KCNIP4: variants seen among roughly 807,000 people sequenced by gnomAD.
KCNIP4 encodes Kv channel-interacting protein 4.
Under a neutral mutation model 34.0 loss-of-function variants are expected in KCNIP4, and 12 were observed. That is an observed-to-expected ratio of 0.35 (90% CI 0.23 to 0.57). The LOEUF (loss-of-function observed/expected upper bound fraction) is 0.57. KCNIP4 is among the 20% of genes least tolerant of loss of function. The probability of loss-of-function intolerance (pLI) is 0.83; values close to 1 mark genes in which losing one functional copy is unlikely to be tolerated. For synonymous variants in KCNIP4, 124 were observed against 102.2 expected (o/e 1.21, Z -1.29); for missense variants, 238 against 311.7 (o/e 0.76, Z 1.78).
intron 1 of KCNIP4, among the ~76,000 whole-genome samples, chr4:21,364,916 G>C (rs1482350443): frequency 6.6e-6 from 1 of 152,092 alleles, no homozygotes; most frequent in Non-Finnish European, 1.5e-5. Flanking sequence ...AGTCAGAAAA[G>C]GACATTGCAA....
intron 1 of KCNIP4, among the ~76,000 whole-genome samples, chr4:21,308,713 T>A (rs1038496): frequency 0.013 from 850 of 65,182 alleles, 6 homozygotes; most frequent in Non-Finnish European, 0.02. Context: ...GCCGTGTGAG[T>A]GTGTGTGTGT....
intron 1 of KCNIP4, among the ~76,000 whole-genome samples, chr4:21,424,283 T>C (rs1479937737): frequency 6.6e-6 from 1 of 151,690 alleles, no homozygotes; most frequent in Non-Finnish European, 1.5e-5. Flanking sequence ...TAAAAACAAA[T>C]GAGGATTGGC....
intron 1 of KCNIP4, among the ~76,000 whole-genome samples, chr4:21,716,667 C>A (rs1287799844): frequency 6.6e-6 from 1 of 152,144 alleles, no homozygotes; most frequent in Non-Finnish European, 1.5e-5. Flanking sequence ...TTACCCCCAA[C>A]GAGTGAGTCA....
chr4:21,482,493 G>T (rs1283148308), intron 1 of KCNIP4, among the ~76,000 whole-genome samples: 2 of 152,136 alleles, frequency 1.3e-5, no homozygotes, highest in African/African-American at 4.8e-5. Flanking sequence ...AGGAGCTCTT[G>T]TAGGGCAGGC....
chr4:21,939,473 C>A (rs1207544386), intron 1 of KCNIP4, among the ~76,000 whole-genome samples: 1 of 152,106 alleles, frequency 6.6e-6, no homozygotes, highest in Non-Finnish European at 1.5e-5. Flanking sequence ...CACTCCATGT[C>A]CCTGGATATT....
At chr4:20,888,661 G>T (rs1054839566) in intron 1 of KCNIP4, among the ~76,000 whole-genome samples, 1 of 151,926 alleles carries the variant, frequency 6.6e-6, no homozygotes, top group Non-Finnish European at 1.5e-5. Context: ...AATATGTATC[G>T]CCACCTACAA....
chr4:21,498,204 A>C (rs78713816), intron 1 of KCNIP4, among the ~76,000 whole-genome samples: 3 of 152,280 alleles, frequency 2.0e-5, no homozygotes, highest in Non-Finnish European at 2.9e-5. Flanking sequence ...TAGAAAACTA[A>C]TACGAAAGAA....
At chr4:21,714,794 A>G (rs982971334) in intron 1 of KCNIP4, among the ~76,000 whole-genome samples, 50 of 3,016 alleles carry the variant, frequency 0.017, 11 homozygotes, top group African/African-American at 0.1. Context: ...TGATTATTTT[A>G]TTTTATTTTA....
intron 1 of KCNIP4, among the ~76,000 whole-genome samples, chr4:21,440,263 G>A (rs182529470): frequency 9.5e-4 from 144 of 152,292 alleles, no homozygotes; most frequent in African/African-American, 3.2e-3. Flanking sequence ...GTATATTGGT[G>A]AGTAGAACCT....
intron 1 of KCNIP4, among the ~76,000 whole-genome samples, chr4:21,286,361 A>G (rs1019407828): frequency 6.6e-6 from 1 of 152,194 alleles, no homozygotes; most frequent in South Asian, 2.1e-4. Context: ...AACATGGCCA[A>G]ACATGTTATA....
intron 1 of KCNIP4, among the ~76,000 whole-genome samples, chr4:21,903,331 C>A (rs1727811350): frequency 6.6e-6 from 1 of 151,998 alleles, no homozygotes; most frequent in Non-Finnish European, 1.5e-5. Flanking sequence ...TGATAAATAA[C>A]AAATAACTGA....
chr4:21,421,520 A>G (rs557486724), intron 1 of KCNIP4, among the ~76,000 whole-genome samples: 1 of 152,326 alleles, frequency 6.6e-6, no homozygotes, highest in African/African-American at 2.4e-5. Context: ...TAAGCCAAGC[A>G]CAGAAAGACA....
At chr4:21,731,188 AT>A (rs900739441) in intron 1 of KCNIP4, among the ~76,000 whole-genome samples, 5 of 151,940 alleles carry the variant, frequency 3.3e-5, no homozygotes, top group Non-Finnish European at 7.4e-5. Context: ...ACAGAGGTCC[AT>A]TATGGGTGAG....
intron 1 of KCNIP4, among the ~76,000 whole-genome samples, chr4:21,499,390 C>A (rs16871238): frequency 6.6e-6 from 1 of 150,720 alleles, no homozygotes; most frequent in Admixed American, 6.6e-5. Context: ...ATCGCTTCCA[C>A]GTTTTTTATT....
At chr4:21,741,589 C>T (rs1156862291) in intron 1 of KCNIP4, among the ~76,000 whole-genome samples, 1 of 152,130 alleles carries the variant, frequency 6.6e-6, no homozygotes, top group Non-Finnish European at 1.5e-5. Flanking sequence ...ATTCCAGAAA[C>T]TGGCTGAATC....
At chr4:20,890,886 T>C (rs1725847887) in intron 1 of KCNIP4, among the ~76,000 whole-genome samples, 1 of 152,218 alleles carries the variant, frequency 6.6e-6, no homozygotes, top group African/African-American at 2.4e-5. Flanking sequence ...TCCATTTTTC[T>C]GGTCATGCAG....
At chr4:21,175,088 T>C (rs748730236) in intron 1 of KCNIP4, among the ~76,000 whole-genome samples, 2 of 151,720 alleles carry the variant, frequency 1.3e-5, no homozygotes, top group African/African-American at 2.4e-5. Flanking sequence ...TTTACATAGG[T>C]TTCTTTTTGA....
intron 3 of KCNIP4, among the ~76,000 whole-genome samples, chr4:20,815,501 G>A (rs1716264472): frequency 6.6e-6 from 1 of 152,092 alleles, no homozygotes; most frequent in African/African-American, 2.4e-5. Context: ...GTTATAAAAT[G>A]ATGTTAAGAA....
intron 1 of KCNIP4, among the ~76,000 whole-genome samples, chr4:21,883,715 G>C (rs569379120): frequency 5.3e-5 from 8 of 151,918 alleles, no homozygotes; most frequent in African/African-American, 1.9e-4. Flanking sequence ...TCTTTTTTCG[G>C]CTATAGGCTT....
Sources: allele counts gnomAD v4.1 joint callset (sites outside exome capture counted in the v4.1 genomes callset), GRCh38; gene constraint gnomAD v4.1.1; transcripts MANE v1.5; gene names NCBI Gene and HGNC (gene_info 2026-07-23, HGNC 2026-07-21).